The following AGMO variants were observed in gnomAD, a reference collection of about 807,000 sequenced individuals.
AGMO encodes glyceryl-ether monooxygenase.
A neutral mutation model predicts 60.2 loss-of-function variants in AGMO; 75 were observed. That is an observed-to-expected ratio of 1.25 (90% confidence interval 1.03 to 1.51). AGMO has a LOEUF of 1.51. AGMO is among the 40% of genes most tolerant of loss of function. The probability of loss-of-function intolerance (pLI) is 0.00; values close to 1 mark genes in which losing one functional copy is unlikely to be tolerated. For missense variants in AGMO, 763 were observed against 525.5 expected, an observed-to-expected ratio of 1.45 and a Z score of -4.42; for synonymous variants, 261 against 177.1, an observed-to-expected ratio of 1.47 and a Z score of -3.76.
chr7:15,535,291 T>G (rs1042624689), intron 3 of AGMO, among the ~76,000 whole-genome samples: 3 of 151,916 alleles, frequency 2.0e-5, no homozygotes, highest in African/African-American at 7.2e-5. Context: ...AGCTTTGGAA[T>G]AAGAAAAATA....
chr7:15,237,003 A>G (rs1019939408), intron 12 of AGMO, among the ~76,000 whole-genome samples: 2 of 152,184 alleles, frequency 1.3e-5, no homozygotes, highest in South Asian at 2.1e-4. Flanking sequence ...AAAAATGTAA[A>G]AAGTGATGAA....
chr7:15,489,000 T>C (rs1264791653), intron 3 of AGMO, among the ~76,000 whole-genome samples: 3 of 152,206 alleles, frequency 2.0e-5, no homozygotes, highest in Non-Finnish European at 2.9e-5. Context: ...CATATCAGTT[T>C]ATCCTTACTT....
chr7:15,343,083 A>G (rs1047069010), intron 12 of AGMO, among the ~76,000 whole-genome samples: 1 of 152,174 alleles, frequency 6.6e-6, no homozygotes, highest in African/African-American at 2.4e-5. Flanking sequence ...TTATACTTTT[A>G]TATTTTCCTA....
intron 12 of AGMO, among the ~76,000 whole-genome samples, chr7:15,315,874 G>A (rs1054865890): frequency 6.6e-6 from 1 of 151,942 alleles, no homozygotes; most frequent in African/African-American, 2.4e-5. Flanking sequence ...CCTAATTGTA[G>A]GTCAACTACA....
chr7:15,251,163 C>T (rs1782922475), intron 12 of AGMO, among the ~76,000 whole-genome samples: 1 of 152,168 alleles, frequency 6.6e-6, no homozygotes, highest in Non-Finnish European at 1.5e-5. Context: ...CAGCCTTTCA[C>T]TGGTCCCATT....
At chr7:15,317,692 A>T (rs1780967826) in intron 12 of AGMO, among the ~76,000 whole-genome samples, 1 of 151,974 alleles carries the variant, frequency 6.6e-6, no homozygotes, top group Non-Finnish European at 1.5e-5. Flanking sequence ...ATTACTTTCC[A>T]AAGAGATTCA....
At chr7:15,416,367 G>A (rs892737910) in intron 5 of AGMO, among the ~76,000 whole-genome samples, 1 of 152,054 alleles carries the variant, frequency 6.6e-6, no homozygotes, top group Non-Finnish European at 1.5e-5. Flanking sequence ...TAACTCAAAA[G>A]TAAACAGAAA....
the AGMO span, among the ~76,000 whole-genome samples, chr7:15,160,142 ATTT>A: frequency 9.9e-5 from 15 of 152,166 alleles, no homozygotes; most frequent in Non-Finnish European, 2.2e-4. Context: ...ACATGTTGAT[ATTT>A]TCATAGCACC....
At chr7:15,165,909 C>G in the AGMO span, among the ~76,000 whole-genome samples, 3 of 152,024 alleles carry the variant, frequency 2.0e-5, no homozygotes, top group African/African-American at 7.3e-5. Context: ...TGTACTCATA[C>G]AAGATAATTT....
At chr7:15,438,105 T>C (rs1164638730) in intron 3 of AGMO, among the ~76,000 whole-genome samples, 1 of 152,174 alleles carries the variant, frequency 6.6e-6, no homozygotes, top group Non-Finnish European at 1.5e-5. Flanking sequence ...CGATAGATTT[T>C]TAGTACGAAG....
intron 3 of AGMO, among the ~76,000 whole-genome samples, chr7:15,515,019 T>C (rs751877545): frequency 3.9e-5 from 6 of 152,230 alleles, no homozygotes; most frequent in African/African-American, 7.2e-5. Flanking sequence ...CTTTCTGCAT[T>C]TTCTCTACTC....
At position 15,560,312 on chromosome 7, in the gene AGMO, A is replaced by G. The variant is rs765548342; in HGVS notation, c.127-41T>C. Reference sequence around the variant, plus strand: ...CAGAAAAGAGATGCTATTATGTTCCATATGAAATTATTTTACATTTCCTGA... The same window carrying G: ...CAGAAAAGAGATGCTATTATGTTCCGTATGAAATTATTTTACATTTCCTGA... On this transcript the variant is annotated intron_variant, in intron 1 of 12. Coordinates refer to ENST00000342526, the MANE Select transcript of AGMO (RefSeq NM_001004320.2). 11 of 1,578,838 alleles carry G rather than the reference A, an allele frequency of 7.0e-6. No homozygotes were observed. In the South Asian group the frequency reaches 1.0e-4, roughly 15 times the overall value.
chr7:15,134,384 G>C, the AGMO span, among the ~76,000 whole-genome samples: 1 of 152,004 alleles, frequency 6.6e-6, no homozygotes, highest in Non-Finnish European at 1.5e-5. Flanking sequence ...ATGTTGTCCA[G>C]GCTGGTCTCA....
At chr7:15,196,466 T>C (rs540510999), downstream of AGMO, among the ~76,000 whole-genome samples, 2 of 152,340 alleles carry the variant, frequency 1.3e-5, no homozygotes, top group East Asian at 3.9e-4. Context: ...TTAACATCTT[T>C]GCTATAGAAA....
intron 10 of AGMO, among the ~76,000 whole-genome samples, chr7:15,376,199 C>T (rs952147165): frequency 1.3e-5 from 2 of 151,698 alleles, no homozygotes; most frequent in African/African-American, 4.8e-5. Context: ...TTTTTTCCCC[C>T]ACATTACGTA....
intron 12 of AGMO, among the ~76,000 whole-genome samples, chr7:15,325,316 CTAAA>C (rs751889897): frequency 3.9e-5 from 6 of 152,094 alleles, no homozygotes; most frequent in Admixed American, 1.3e-4. Context: ...TCACACATAT[CTAAA>C]TAATTATATA....
At chr7:15,539,239 C>A (rs1405065196) in intron 3 of AGMO, among the ~76,000 whole-genome samples, 3 of 151,904 alleles carry the variant, frequency 2.0e-5, no homozygotes, top group Non-Finnish European at 4.4e-5. Context: ...AATTTCATCA[C>A]CTGGGTAATA....
chr7:15,184,277 A>T, the AGMO span, among the ~76,000 whole-genome samples: 2 of 127,196 alleles, frequency 1.6e-5, no homozygotes, highest in East Asian at 2.8e-4. Context: ...GGGAGGAAAG[A>T]AAAGGAAGGA....
intron 5 of AGMO, among the ~76,000 whole-genome samples, chr7:15,400,311 T>G (rs1234883117): frequency 6.6e-6 from 1 of 152,236 alleles, no homozygotes; most frequent in Non-Finnish European, 1.5e-5. Flanking sequence ...GAGATAATTT[T>G]AGTTGTCATA....
Sources: allele counts gnomAD v4.1 joint callset (sites outside exome capture counted in the v4.1 genomes callset), GRCh38; gene constraint gnomAD v4.1.1; transcripts MANE v1.5; gene names NCBI Gene and HGNC (gene_info 2026-07-23, HGNC 2026-07-21).